CFAP74: variants seen among roughly 807,000 people sequenced by gnomAD.
CFAP74 encodes cilia- and flagella-associated protein 74.
CFAP74 carries 124 observed loss-of-function variants against 188.9 expected under a neutral mutation model. The observed-to-expected ratio is 0.66, with a 90% CI of 0.57 to 0.76. The LOEUF is 0.76. CFAP74 is among the 30% of genes least tolerant of loss of function. CFAP74 has a pLI of 0.00. For synonymous variants in CFAP74, 956 were observed against 916.7 expected, an observed-to-expected ratio of 1.04 and a Z score of -0.77; for missense variants, 2,198 against 2,165.2, an observed-to-expected ratio of 1.02 and a Z score of -0.30.
At position 1,973,827 on chromosome 1, in the gene CFAP74, G is replaced by A. The variant is rs1656254834; in HGVS notation, c.674+198C>T. Among the ~76,000 whole-genome samples the A allele has an allele frequency of 6.6e-6, 1 of 151,988 alleles. No individual in the cohort carries two copies. The highest frequency in any genetic ancestry group is 6.6e-5 in the Admixed American group (1 of 15,252). On this transcript the variant is annotated intron_variant, in intron 7 of 38. Coordinates refer to ENST00000682832, the MANE Select transcript of CFAP74 (RefSeq NM_001304360.2). This position sits in a 1 kb window ranked among gnomAD's most constrained non-coding sequence, Gnocchi z 6.2. The stretch of plus-strand genomic sequence containing the variant: ...TTGGGAGGGCTGGGGCTCTGGGCAG[G>A]TGCAGGGGAGTGCCTGACACTTGGG...
At position 1,944,376 on chromosome 1, in the gene CFAP74, C is replaced by T; in HGVS notation, c.2441G>A (p.Cys814Tyr). 1 of 1,536,100 alleles carries T rather than the reference C, an allele frequency of 6.5e-7. No individual in the cohort carries two copies. Among genetic ancestry groups the T allele is most frequent in the Non-Finnish European group, 8.7e-7 (1 of 1,146,910 alleles). The part of the protein sequence containing the change: ...VPKPSVDLKI[C>Y]MYDRLYQDSV... ...GTCCTGGTAGAGCCGGTCATACATG[C>T]AGATCTTCAGGTCCACGCTGGGCTT... The change falls in exon 21 of 39, where the codon TGC becomes TAC. Residue 814 changes from cysteine to tyrosine, a missense_variant. By Grantham distance (194) the Cys-to-Tyr change is radical. Coordinates refer to ENST00000682832, the MANE Select transcript of CFAP74 (RefSeq NM_001304360.2).
chr1:1,941,067 A>C (rs997783805), intron 22 of CFAP74, among the ~76,000 whole-genome samples: 171 of 152,210 alleles, frequency 1.1e-3, no homozygotes, highest in African/African-American at 3.9e-3. Flanking sequence ...GAGCCGAGAT[A>C]GTGCCACTGC....
At chr1:1,983,232 G>T (rs1657019388) in intron 6 of CFAP74, among the ~76,000 whole-genome samples, 1 of 152,238 alleles carries the variant, frequency 6.6e-6, no homozygotes, top group South Asian at 2.1e-4. Context: ...CAGCAGGAAT[G>T]AATTCTGGCA....
At chr1:1,979,823 C>T (rs1454418382) in intron 6 of CFAP74, among the ~76,000 whole-genome samples, 2 of 117,924 alleles carry the variant, frequency 1.7e-5, no homozygotes, top group African/African-American at 3.3e-5. Flanking sequence ...GCAGAACACG[C>T]GTGTGGTACT....
At chr1:1,945,480 G>A (rs1028964757) in intron 20 of CFAP74, among the ~76,000 whole-genome samples, 7 of 152,090 alleles carry the variant, frequency 4.6e-5, no homozygotes, top group Non-Finnish European at 8.8e-5. Context: ...ACAGGCAACC[G>A]CCCCAGCCCA....
At chr1:1,986,911 C>A in intron 5 of CFAP74, 26 bp downstream of exon 5, 3 of 1,589,120 alleles carry the variant, frequency 1.9e-6, no homozygotes, top group Non-Finnish European at 2.6e-6. Context: ...TGCCCGGTTC[C>A]CTGCCCCCTG....
intron 25 of CFAP74, among the ~76,000 whole-genome samples, chr1:1,937,839 CAA>C (rs1180386640): frequency 9.2e-6 from 1 of 108,658 alleles, no homozygotes; most frequent in African/African-American, 3.2e-5. Context: ...CAGGGATTTA[CAA>C]CACCAGGTCC....
intron 6 of CFAP74, among the ~76,000 whole-genome samples, chr1:1,974,735 G>A (rs1174431001): frequency 6.6e-6 from 1 of 152,260 alleles, no homozygotes; most frequent in Non-Finnish European, 1.5e-5. Flanking sequence ...TCGACTGTGA[G>A]TGTGGCGTCT....
chr1:1,953,021 G>A (rs942458118), intron 18 of CFAP74, among the ~76,000 whole-genome samples: 1 of 152,112 alleles, frequency 6.6e-6, no homozygotes, highest in Non-Finnish European at 1.5e-5. Flanking sequence ...ATGCCAATCA[G>A]ATTCATGCTA....
At chr1:1,960,408 C>A (rs1033296471) in intron 14 of CFAP74, among the ~76,000 whole-genome samples, 5 of 152,192 alleles carry the variant, frequency 3.3e-5, no homozygotes, top group African/African-American at 1.2e-4. Context: ...CAATATGGGA[C>A]CAGGGGGCTG....
At chr1:1,948,456 CTTG>C (rs2102053501) in intron 18 of CFAP74, among the ~76,000 whole-genome samples, 1 of 150,398 alleles carries the variant, frequency 6.6e-6, no homozygotes, top group South Asian at 2.1e-4. Context: ...GAGACATGGT[CTTG>C]TTATATTGCC....
intron 29 of CFAP74, 31 bp downstream of exon 29, chr1:1,926,863 C>T (rs1412232177): frequency 9.0e-6 from 14 of 1,549,488 alleles, no homozygotes; most frequent in Non-Finnish European, 8.7e-7. Context: ...TGCGGCTGAC[C>T]ACACCCTGTT....
chr1:1,952,429 T>C (rs1654259466), intron 18 of CFAP74, among the ~76,000 whole-genome samples: 1 of 150,620 alleles, frequency 6.6e-6, no homozygotes, highest in East Asian at 2.0e-4. Flanking sequence ...CGAATCCAAA[T>C]ATATCAATCA....
In CFAP74 at chr1:1,991,162, G is replaced by A. The variant is rs1251409860; in HGVS notation, c.-19-187C>T. Among the ~76,000 whole-genome samples, 4 of 152,332 alleles carry A rather than the reference G, an allele frequency of 2.6e-5. No individual in the cohort carries two copies. In the East Asian group the frequency reaches 7.7e-4, roughly 29 times the overall value. On this transcript the variant is annotated intron_variant, in intron 1 of 38. Transcript: ENST00000682832. The stretch of plus-strand genomic sequence containing the variant: ...CATGAAGAGCTCCTATCAACCACAT[G>A]AAGTCCAAACTCCAGTTTAAAAGGT...
intron 18 of CFAP74, among the ~76,000 whole-genome samples, chr1:1,948,299 G>A (rs1416063667): frequency 1.3e-5 from 2 of 152,016 alleles, no homozygotes; most frequent in Non-Finnish European, 2.9e-5. Flanking sequence ...TAGAGACGAG[G>A]TCTCACTCTG....
chr1:1,943,067 G>A (rs538485427), intron 21 of CFAP74, among the ~76,000 whole-genome samples: 6 of 152,080 alleles, frequency 3.9e-5, no homozygotes, highest in Admixed American at 6.5e-5. Flanking sequence ...CAGAGACCGC[G>A]CCCTCCCCGT....
At position 1,973,149 on chromosome 1, in the gene CFAP74, C is replaced by T; in HGVS notation, c.675-102G>A. ...GCTCGTGTCCCAGAGACGCCGTGGGCCCTTTCGCTCAGCTCTGTCCCGCAC... is the reference window on the plus strand; with the variant it reads ...GCTCGTGTCCCAGAGACGCCGTGGGTCCTTTCGCTCAGCTCTGTCCCGCAC... On this transcript the variant is annotated intron_variant, in intron 7 of 38. Transcript: ENST00000682832. The surrounding 1 kb of genome is among the most constrained non-coding windows in gnomAD (Gnocchi z 6.2). 1.3e-6 allele frequency: 1 copy of T among 799,808 alleles called. No individual in the cohort carries two copies. Among genetic ancestry groups the T allele is most frequent in the East Asian group, 2.7e-5 (1 of 37,378 alleles). The allele number at this position is 799,808 out of a possible 1,614,324, so 49.5% of individuals were successfully genotyped here. A position where few individuals can be genotyped will look rare whatever the true frequency, so the allele number is the denominator to read the frequency against.
chr1:1,978,137 T>C (rs1022208057), intron 6 of CFAP74, among the ~76,000 whole-genome samples: 2 of 152,260 alleles, frequency 1.3e-5, no homozygotes, highest in African/African-American at 2.4e-5. Context: ...CGTGAGCCAC[T>C]GCATCCAGCT....
rs1270342865 is a variant in CFAP74 at position 1,946,368 on chromosome 1, G to A, written c.2313C>T (p.Gly771=). ...TGACTTTGAACCTGGCTTGGACGTC[G>A]CCTGGGACGACCGGAGTGAAGACGA... The part of the protein sequence containing the change: ...VPIVFTPVVP[G]DVQARFKVTF... The change falls in exon 20 of 39, where the codon GGC becomes GGT. Residue 771 remains glycine, a synonymous_variant. Transcript: ENST00000682832. 3.9e-6 allele frequency: 6 copies of A among 1,536,768 alleles called. No homozygotes were observed. Among genetic ancestry groups the A allele is most frequent in the East Asian group, 2.4e-5 (1 of 40,928 alleles).
Sources: gnomAD v4.1 joint callset for allele counts (sites outside exome capture counted in the v4.1 genomes callset) on GRCh38, gnomAD v4.1.1 for gene constraint, Gnocchi (gnomAD v3.1) non-coding constraint, MANE v1.5 for transcripts, NCBI Gene and HGNC (gene_info 2026-07-23, HGNC 2026-07-21) for gene names.